Variants in HSD17B12 observed in about 807,000 individuals in gnomAD.
HSD17B12 encodes hydroxysteroid 17-beta dehydrogenase 12.
HSD17B12 carries 32 observed loss-of-function variants against 39.3 expected under a neutral mutation model. The observed-to-expected ratio is 0.81, with a 90% confidence interval of 0.61 to 1.09. HSD17B12 has a LOEUF of 1.09. HSD17B12 is among the 50% of genes least tolerant of loss of function. HSD17B12 has a pLI of 0.00. For synonymous variants in HSD17B12, 150 were observed against 146.7 expected, an observed-to-expected ratio of 1.02 and a Z score of -0.16; for missense variants, 342 against 382.9, an observed-to-expected ratio of 0.89 and a Z score of 0.89.
chr11:43,754,006 A>G (rs763958260), intron 2 of HSD17B12, 40 bp from the exon 3 acceptor site: 1 of 1,341,364 alleles, frequency 7.5e-7, no homozygotes, highest in East Asian at 2.3e-5. Flanking sequence ...TTTTTCAGTG[A>G]CATGCACAGG....
At chr11:43,619,166 T>G in the HSD17B12 span, among the ~76,000 whole-genome samples, 1 of 73,502 alleles carries the variant, frequency 1.4e-5, no homozygotes, top group Admixed American at 2.3e-4. Context: ...ATATATATGA[T>G]ATATATATAT....
chr11:43,563,465 A>C, the HSD17B12 span, among the ~76,000 whole-genome samples: 3 of 152,176 alleles, frequency 2.0e-5, no homozygotes, highest in Non-Finnish European at 4.4e-5. Context: ...AGTTGATGTG[A>C]ATGTGTTAAT....
In HSD17B12 at chr11:43,841,883, AGT is replaced by A. The variant is rs531658435; in HGVS notation, c.684+1821_684+1822del. The stretch of plus-strand genomic sequence containing the variant: ...TCAAAATAATAATAGTGAATATTTG[AGT>A]GGATACTTTTCAGGTACAGTGCTAA... On this transcript the variant is annotated intron_variant, in intron 9 of 10. Transcript: ENST00000278353. Among the ~76,000 whole-genome samples, 456 of 152,326 alleles carry A rather than the reference AGT, an allele frequency of 3.0e-3. 3 individuals are homozygous for A. Among genetic ancestry groups the A allele is most frequent in the Non-Finnish European group, 4.4e-3 (298 of 68,024 alleles).
chr11:43,717,755 C>G (rs539265588), intron 1 of HSD17B12, among the ~76,000 whole-genome samples: 3 of 151,822 alleles, frequency 2.0e-5, no homozygotes, highest in Admixed American at 1.3e-4. Context: ...TATCTTAAGG[C>G]CTTGATCTGA....
chr11:43,727,490 C>T (rs1950231704), intron 1 of HSD17B12, among the ~76,000 whole-genome samples: 1 of 146,750 alleles, frequency 6.8e-6, no homozygotes. Flanking sequence ...GAATATAAGG[C>T]TTTTTTTTTT....
chr11:43,571,166 C>T, the HSD17B12 span, among the ~76,000 whole-genome samples: 1 of 152,196 alleles, frequency 6.6e-6, no homozygotes, highest in Admixed American at 6.5e-5. Context: ...TACCCAACAC[C>T]CATGAATTTG....
At chr11:43,783,763 G>C (rs1164873301) in intron 3 of HSD17B12, among the ~76,000 whole-genome samples, 2 of 151,972 alleles carry the variant, frequency 1.3e-5, no homozygotes, top group South Asian at 4.1e-4. Context: ...TCCCCAAAGA[G>C]CGTTTGTTTA....
At chr11:43,718,214 A>G (rs1950142864) in intron 1 of HSD17B12, among the ~76,000 whole-genome samples, 1 of 152,210 alleles carries the variant, frequency 6.6e-6, no homozygotes, top group Non-Finnish European at 1.5e-5. Flanking sequence ...CCTATAGCGA[A>G]GTGGCATGAG....
intron 4 of HSD17B12, among the ~76,000 whole-genome samples, chr11:43,812,666 G>A (rs1415752931): frequency 6.6e-6 from 1 of 152,136 alleles, no homozygotes; most frequent in African/African-American, 2.4e-5. Flanking sequence ...CCATTCAACA[G>A]GTAGTCTCTT....
intron 1 of HSD17B12, among the ~76,000 whole-genome samples, chr11:43,685,286 C>CTTTGCTTAGCCATGCTCAAGG: frequency 6.6e-6 from 1 of 152,224 alleles, no homozygotes; most frequent in Middle Eastern, 3.4e-3. Context: ...TGAAAACATG[C>CTTTGCTTAGCCATGCTCAAGG]ATCAAAGGAT....
chr11:43,760,256 C>T (rs1035961826), intron 3 of HSD17B12, among the ~76,000 whole-genome samples: 18 of 152,094 alleles, frequency 1.2e-4, no homozygotes, highest in African/African-American at 4.3e-4. Flanking sequence ...CGCCATGTTA[C>T]CCAGGCTGGT....
At chr11:43,807,281 G>A (rs1416261952) in intron 4 of HSD17B12, among the ~76,000 whole-genome samples, 1 of 152,198 alleles carries the variant, frequency 6.6e-6, no homozygotes, top group African/African-American at 2.4e-5. Flanking sequence ...AGCTAAGGGT[G>A]TCACAGATAG....
At chr11:43,703,928 T>G (rs1353525415) in intron 1 of HSD17B12, among the ~76,000 whole-genome samples, 1 of 152,244 alleles carries the variant, frequency 6.6e-6, no homozygotes, top group Admixed American at 6.5e-5. Flanking sequence ...TCCTTATTTT[T>G]TATTTTCTTC....
intron 1 of HSD17B12, among the ~76,000 whole-genome samples, chr11:43,723,681 C>T (rs887226591): frequency 2.2e-4 from 33 of 152,148 alleles, no homozygotes; most frequent in Admixed American, 2.0e-4. Flanking sequence ...ACTAACAAAA[C>T]GTTCAGTTTT....
At chr11:43,576,726 T>G in the HSD17B12 span, 4 of 152,188 alleles carry the variant, frequency 2.6e-5, no homozygotes, top group Admixed American at 1.3e-4. Flanking sequence ...CTAAAGAGGA[T>G]AGTGGGACTG....
At chr11:43,605,618 T>C in the HSD17B12 span, among the ~76,000 whole-genome samples, 2 of 151,416 alleles carry the variant, frequency 1.3e-5, no homozygotes, top group Admixed American at 6.6e-5. Flanking sequence ...CTAAACAGGC[T>C]GTGTTGTCTC....
chr11:43,825,782 A>G (rs1951229075), intron 6 of HSD17B12, among the ~76,000 whole-genome samples: 1 of 152,234 alleles, frequency 6.6e-6, no homozygotes. Context: ...GTTTTGCCAA[A>G]CGGCATGATA....
the HSD17B12 span, among the ~76,000 whole-genome samples, chr11:43,609,523 G>A: frequency 6.6e-6 from 1 of 151,822 alleles, no homozygotes. Context: ...GCGCCACCAT[G>A]CCAGGCTAAT....
intron 4 of HSD17B12, among the ~76,000 whole-genome samples, chr11:43,809,715 T>G (rs892549282): frequency 5.3e-5 from 8 of 151,892 alleles, no homozygotes; most frequent in African/African-American, 1.9e-4. Flanking sequence ...AGCTACTCAG[T>G]AGGCTGAGGC....
Sources: gnomAD v4.1 joint callset for allele counts (sites outside exome capture counted in the v4.1 genomes callset) on GRCh38, gnomAD v4.1.1 for gene constraint, MANE v1.5 for transcripts, NCBI Gene and HGNC (gene_info 2026-07-23, HGNC 2026-07-21) for gene names.